The following SYNE2 variants were observed in gnomAD, a reference collection of about 807,000 sequenced individuals.
The protein encoded by SYNE2 is spectrin repeat containing nuclear envelope protein 2, also known as nesprin-2.
A neutral mutation model predicts 856.3 loss-of-function variants in SYNE2; 431 were observed. The ratio of observed to expected loss-of-function variants is 0.50; its 90% CI spans 0.47 to 0.55. SYNE2 has a LOEUF of 0.55. Ranked by LOEUF, SYNE2 falls within the 20% of genes least tolerant of loss-of-function variation. SYNE2 has a pLI of 0.00. For synonymous variants in SYNE2, 2,923 were observed against 2,872.3 expected (o/e 1.02, Z -0.56); for missense variants, 8,129 against 8,023.2 (o/e 1.01, Z -0.50).
At chr14:64,219,515 G>A in intron 110 of SYNE2, 105 bp downstream of exon 110, 1 of 1,109,408 alleles carries the variant, frequency 9.0e-7, no homozygotes, top group Non-Finnish European at 1.4e-6. Context: ...GGCGCAGCTT[G>A]CAGATGGTGT....
intron 1 of SYNE2, among the ~76,000 whole-genome samples, chr14:63,872,079 C>T (rs754303890): frequency 2.0e-5 from 3 of 152,080 alleles, no homozygotes; most frequent in African/African-American, 4.8e-5. Flanking sequence ...TGGGCCCGGC[C>T]GTGTCAAGTT....
At chr14:63,855,458 C>A (rs1295182125) in intron 1 of SYNE2, among the ~76,000 whole-genome samples, 2 of 152,154 alleles carry the variant, frequency 1.3e-5, no homozygotes, top group Non-Finnish European at 2.9e-5. Flanking sequence ...GCTCTCCTCC[C>A]TACTCGAGTG....
At chr14:64,211,478 G>C (rs1049664649) in intron 103 of SYNE2, among the ~76,000 whole-genome samples, 4 of 152,256 alleles carry the variant, frequency 2.6e-5, no homozygotes, top group African/African-American at 9.6e-5. Context: ...AAGGCAGAAG[G>C]GGGCACCAGG....
intron 30 of SYNE2, among the ~76,000 whole-genome samples, chr14:64,003,661 C>G (rs2096772486): frequency 6.6e-6 from 1 of 152,170 alleles, no homozygotes; most frequent in South Asian, 2.1e-4. Flanking sequence ...CTCCTCAGGA[C>G]AGATGACTGG....
intron 77 of SYNE2, 130 bp downstream of exon 77, chr14:64,132,568 G>A: frequency 8.1e-7 from 1 of 1,235,728 alleles, no homozygotes; most frequent in South Asian, 1.3e-5. Flanking sequence ...AGTGAGGAAT[G>A]TGGACCCCTG....
At chr14:63,998,117 G>T in intron 25 of SYNE2, 102 bp from the exon 26 acceptor site, 1 of 868,278 alleles carries the variant, frequency 1.2e-6, no homozygotes, top group Non-Finnish European at 1.9e-6. Context: ...CTGGTTTGAG[G>T]TATAAAGAAT....
At chr14:63,987,257 A>G (rs1023520844) in intron 19 of SYNE2, among the ~76,000 whole-genome samples, 10 of 140,510 alleles carry the variant, frequency 7.1e-5, no homozygotes, top group African/African-American at 1.5e-4. Context: ...TCCTTCTGGG[A>G]AAAAAAAAAA....
intron 1 of SYNE2, among the ~76,000 whole-genome samples, chr14:63,765,486 G>A (rs535374268): frequency 6.6e-6 from 1 of 152,076 alleles, no homozygotes; most frequent in South Asian, 2.1e-4. Context: ...CCGAGTAGCT[G>A]AGACTACAGG....
At chr14:64,180,126 C>G (rs1345690677) in intron 96 of SYNE2, among the ~76,000 whole-genome samples, 1 of 152,190 alleles carries the variant, frequency 6.6e-6, no homozygotes, top group East Asian at 1.9e-4. Context: ...TATTTATTGT[C>G]TAATGTCAAA....
chr14:64,062,746 A>T lies in SYNE2; in HGVS notation c.10068-5A>T, dbSNP rs2097327453. On this transcript the variant is annotated splice_polypyrimidine_tract_variant and splice_region_variant and intron_variant, in intron 49 of 115. Transcript: ENST00000555002. ...ACCACTTTTTTTCTAACTGTGACTC[A>T]CTAGGTATCTTGAGAATTACAAATG... 6.2e-7 allele frequency: 1 copy of T among 1,612,566 alleles called. No individual in the cohort carries two copies. The highest frequency in any genetic ancestry group is 8.5e-7 in the Non-Finnish European group (1 of 1,178,654).
At chr14:64,036,199 TAAAAA>T (rs61627778) in intron 45 of SYNE2, among the ~76,000 whole-genome samples, 10 of 143,934 alleles carry the variant, frequency 6.9e-5, no homozygotes, top group South Asian at 2.2e-4. Flanking sequence ...CTTTTTTACT[TAAAAA>T]AAAAAAAAAT....
rs2098715465 is a variant in SYNE2 at position 64,225,572 on chromosome 14, G to C, written c.*46G>C. 4.4e-6 allele frequency: 7 copies of C among 1,599,014 alleles called. No individual in the cohort carries two copies. Among genetic ancestry groups the C allele is most frequent in the Non-Finnish European group, 4.3e-6 (5 of 1,169,434 alleles). On this transcript the variant is annotated 3_prime_UTR_variant, in exon 116 of 116. Coordinates refer to ENST00000555002, the MANE Select transcript of SYNE2 (RefSeq NM_182914.3). ...GCTACACCACCTGCCTGATTGCCAA[G>C]GGTGCCCAGCACGTGGCCCCAGACC...
At chr14:63,776,721 T>C (rs1887120996) in intron 1 of SYNE2, among the ~76,000 whole-genome samples, 1 of 150,418 alleles carries the variant, frequency 6.6e-6, no homozygotes, top group Non-Finnish European at 1.5e-5. Context: ...TGCCTCAGCC[T>C]CCCAGGTAGC....
intron 2 of SYNE2, among the ~76,000 whole-genome samples, chr14:63,939,336 ATT>A (rs11367073): frequency 1.5e-4 from 20 of 133,446 alleles, no homozygotes; most frequent in Non-Finnish European, 2.7e-4. Flanking sequence ...TCCTACCTGG[ATT>A]TTTTTTTTCT....
chr14:64,208,557 C>T (rs2098621296), intron 100 of SYNE2, among the ~76,000 whole-genome samples: 1 of 152,196 alleles, frequency 6.6e-6, no homozygotes, highest in African/African-American at 2.4e-5. Context: ...AGTGTTTAAA[C>T]TTTGTGTCAG....
chr14:63,971,551 G>A (rs190566460), intron 11 of SYNE2, among the ~76,000 whole-genome samples: 48 of 149,952 alleles, frequency 3.2e-4, no homozygotes, highest in African/African-American at 8.8e-4. Flanking sequence ...TGTAATGTAT[G>A]TCTTAAAATC....
In SYNE2 at chr14:64,224,994, A is replaced by T; in HGVS notation, c.20470-5A>T. ...CTTACTAACTGGAGTTTCTTTACCCAGCAGTTCAGAGCAGTGAGAACTACA... is the reference window on the plus strand; with the variant it reads ...CTTACTAACTGGAGTTTCTTTACCCTGCAGTTCAGAGCAGTGAGAACTACA... On this transcript the variant is annotated splice_polypyrimidine_tract_variant and splice_region_variant and intron_variant, in intron 114 of 115. Transcript: ENST00000555002. 1 of 1,613,750 alleles carries T rather than the reference A, an allele frequency of 6.2e-7. No homozygotes were observed. The highest frequency in any genetic ancestry group is 8.5e-7 in the Non-Finnish European group (1 of 1,179,868).
intron 56 of SYNE2, 95 bp from the exon 57 acceptor site, chr14:64,081,348 C>A: frequency 6.6e-7 from 1 of 1,516,774 alleles, no homozygotes; most frequent in Non-Finnish European, 9.1e-7. Flanking sequence ...AGGCCTGACA[C>A]ACCCCTGACT....
intron 78 of SYNE2, 142 bp from the exon 79 acceptor site, chr14:64,137,645 C>T: frequency 2.4e-6 from 2 of 848,370 alleles, no homozygotes; most frequent in Non-Finnish European, 3.7e-6. Flanking sequence ...TGCATCCAGT[C>T]AGACTATATA....
Sources: allele counts gnomAD v4.1 joint callset (sites outside exome capture counted in the v4.1 genomes callset), GRCh38; gene constraint gnomAD v4.1.1; transcripts MANE v1.5; gene names NCBI Gene and HGNC (gene_info 2026-07-23, HGNC 2026-07-21).